The following MROH7 variants were observed in gnomAD, a reference collection of about 807,000 sequenced individuals.
MROH7 encodes the protein maestro heat like repeat family member 7.
In MROH7, 113 loss-of-function variants were observed where a neutral mutation model predicts 129.2. The observed-to-expected ratio is 0.87, with a 90% confidence interval of 0.75 to 1.02. The LOEUF (loss-of-function observed/expected upper bound fraction) is 1.02, where lower values mean the gene tolerates loss of function less well. Among genes scored for constraint, MROH7 ranks in the 50% least tolerant of loss-of-function variants. The probability of loss-of-function intolerance (pLI) is 0.00; values close to 1 mark genes in which losing one functional copy is unlikely to be tolerated. For synonymous variants in MROH7, 655 were observed against 667.9 expected, an observed-to-expected ratio of 0.98 and a Z score of 0.30; for missense variants, 1,601 against 1,671.3, an observed-to-expected ratio of 0.96 and a Z score of 0.73.
Position 54,710,132 on chromosome 1 carries a change from G to A in MROH7, c.3917G>A (p.Arg1306Gln), listed in dbSNP as rs377472472. ...SCENLPTSHQ[R>Q]RSWIMQALGS... ...GAGAACCTGCCCACTTCCCACCAGCGGCGCTCCTGGATCATGCAGGCACTG... is the reference window on the plus strand; with the variant it reads ...GAGAACCTGCCCACTTCCCACCAGCAGCGCTCCTGGATCATGCAGGCACTG... Residue 1306 changes from arginine (R) to glutamine (Q), a missense_variant, in exon 24 of 24, where the codon CGG (arginine) becomes CAG (glutamine). Transcript: ENST00000421030. 72 of 1,613,634 alleles carry A rather than the reference G, an allele frequency of 4.5e-5. No homozygotes were observed. The highest frequency in any genetic ancestry group is 2.5e-4 in the Admixed American group (15 of 59,998).
chr1:54,670,751 A>T (rs755570565), intron 6 of MROH7, 49 bp from the exon 7 acceptor site: 4 of 1,537,678 alleles, frequency 2.6e-6, no homozygotes, highest in Non-Finnish European at 3.5e-6. Context: ...GTCTATAGCC[A>T]TAGGGCCCCT....
rs1645090199 is a variant in MROH7, at chr1:54,682,767, G to GGGCC, written c.2496_2499dup (p.Ala834ProfsTer90). The GGGCC allele has an allele frequency of 6.2e-7, 1 of 1,613,444 alleles. No individual in the cohort carries two copies. The highest frequency in any genetic ancestry group is 1.1e-5 in the South Asian group (1 of 91,064). ...TGAAGGAGAAGCCCGTCACCAAGGA[G>GGGCC]GGCCGGGCTTCCATCGTGCCCCTGG... On this transcript the variant is annotated frameshift_variant, in exon 14 of 24. Transcript: ENST00000421030. LOFTEE classifies it high-confidence loss of function.
intron 17 of MROH7, chr1:54,699,093 C>CTGCCTTTCTTTTTTTTTTT (rs1406420741): frequency 1.7e-4 from 18 of 108,064 alleles, no homozygotes; most frequent in South Asian, 6.8e-4. Context: ...CTTGCCTGGC[C>CTGCCTTTCTTTTTTTTTTT]TTTTCTTTCT....
chr1:54,686,629 C>T (rs983802131), intron 15 of MROH7, among the ~76,000 whole-genome samples, 181 bp downstream of exon 15: 15 of 152,206 alleles, frequency 9.9e-5, no homozygotes, highest in African/African-American at 3.1e-4. Context: ...TTTTGAGCAC[C>T]TGCTCTGTGC....
rs768067646 is a variant in MROH7, at chr1:54,673,978, C to T, written c.1801-38C>T. 6.0e-5 allele frequency: 97 copies of T among 1,607,536 alleles called. 1 individual carries two copies. The highest frequency in any genetic ancestry group is 8.1e-5 in the Non-Finnish European group (95 of 1,175,478). On this transcript the variant is annotated intron_variant, in intron 9 of 23. Coordinates refer to ENST00000421030, the MANE Select transcript of MROH7 (RefSeq NM_001039464.4). ...CCATTTAATGTATAGCATTATTGAA[C>T]CTATAACACTCAATCCCTAAGATTG...
At chr1:54,682,291 A>G (rs533306450) in intron 13 of MROH7, among the ~76,000 whole-genome samples, 1 of 151,374 alleles carries the variant, frequency 6.6e-6, no homozygotes, top group Non-Finnish European at 1.5e-5. Context: ...CAGCCTCCTG[A>G]GTAGCTGTGA....
At chr1:54,687,064 A>G (rs1452921567) in intron 15 of MROH7, among the ~76,000 whole-genome samples, 2 of 150,846 alleles carry the variant, frequency 1.3e-5, no homozygotes, top group South Asian at 2.1e-4. Context: ...TTATTTATTT[A>G]TTTATTTATT....
chr1:54,680,478 C>CT (rs1173655029), intron 13 of MROH7, among the ~76,000 whole-genome samples: 1 of 152,184 alleles, frequency 6.6e-6, no homozygotes, highest in Non-Finnish European at 1.5e-5. Context: ...CTCTTTCCCC[C>CT]TTAGGCAAAA....
At chr1:54,680,663 C>T (rs966663605) in intron 13 of MROH7, among the ~76,000 whole-genome samples, 4 of 152,162 alleles carry the variant, frequency 2.6e-5, no homozygotes, top group Non-Finnish European at 5.9e-5. Context: ...ATGGTGAGCT[C>T]GTGGGCAGGA....
intron 12 of MROH7, 27 bp from the exon 13 acceptor site, chr1:54,679,864 C>T (rs1200833533): frequency 6.3e-7 from 1 of 1,594,936 alleles, no homozygotes; most frequent in Admixed American, 1.7e-5. Flanking sequence ...AGTCCCCTTG[C>T]TCATGGCTGC....
At position 54,668,726 on chromosome 1, in the gene MROH7, C is replaced by T. The variant is rs1365792068; in HGVS notation, c.1306-128C>T. Reference sequence around the variant, plus strand: ...CCAAGCTCCCCTTGTGGGGACCTCTCATTTCTCTTGCACCAATGCTGGCTT... The same window carrying T: ...CCAAGCTCCCCTTGTGGGGACCTCTTATTTCTCTTGCACCAATGCTGGCTT... On this transcript the variant is annotated intron_variant, in intron 4 of 23. Coordinates refer to ENST00000421030, the MANE Select transcript of MROH7 (RefSeq NM_001039464.4). 6.0e-6 allele frequency: 4 copies of T among 667,866 alleles called. No individual in the cohort carries two copies. In the African/African-American group the frequency reaches 7.3e-5, roughly 12 times the overall value. 41.4% of individuals were successfully genotyped at this position (667,866 alleles called of 1,614,324 possible).
At chr1:54,676,984 G>A (rs551198917) in intron 10 of MROH7, among the ~76,000 whole-genome samples, 36 of 152,290 alleles carry the variant, frequency 2.4e-4, no homozygotes, top group African/African-American at 8.7e-4. Context: ...TAGGATTACA[G>A]GCATGAGCCA....
chr1:54,659,694 C>T (rs1361453084), intron 3 of MROH7, among the ~76,000 whole-genome samples: 1 of 152,182 alleles, frequency 6.6e-6, no homozygotes, highest in East Asian at 1.9e-4. Context: ...CTCAGGTGAT[C>T]CACCTGCCTC....
intron 4 of MROH7, 59 bp downstream of exon 4, chr1:54,665,299 C>T (rs471724): frequency 0.75 from 1,026,835 of 1,377,332 alleles, 387,193 homozygotes; most frequent in East Asian, 0.94. Flanking sequence ...CCTGCCAACC[C>T]CCTACCCCCC....
intron 4 of MROH7, among the ~76,000 whole-genome samples, chr1:54,667,384 GC>G (rs35434138): frequency 0.32 from 48,040 of 151,870 alleles, 7,892 homozygotes; most frequent in South Asian, 0.52. Flanking sequence ...ACTTTGGGAG[GC>G]TGAGGTGGGA....
At chr1:54,670,988 T>G in intron 7 of MROH7, 59 bp downstream of exon 7, 1 of 1,517,730 alleles carries the variant, frequency 6.6e-7, no homozygotes, top group Non-Finnish European at 8.8e-7. Context: ...GGAGGAGATA[T>G]GGAGCTGCAT....
intron 10 of MROH7, among the ~76,000 whole-genome samples, chr1:54,675,090 C>T (rs1644960423): frequency 6.6e-6 from 1 of 152,134 alleles, no homozygotes; most frequent in Admixed American, 6.5e-5. Context: ...ATTCTCCTGC[C>T]TCAGCCTCCC....
chr1:54,692,889 A>T (rs941809536), intron 16 of MROH7, among the ~76,000 whole-genome samples: 1 of 152,182 alleles, frequency 6.6e-6, no homozygotes, highest in Admixed American at 6.5e-5. Flanking sequence ...GGCCTTGGAG[A>T]TGGCCTGACT....
In MROH7 at chr1:54,701,123, C is replaced by A. The variant is rs1346576013; in HGVS notation, c.3106-20C>A. Reference sequence around the variant, plus strand: ...CTAGCTCAGATAGGAGCCCTCATCCCAAATGCTCCTGCCCCACAGACCGCC... The same window carrying A: ...CTAGCTCAGATAGGAGCCCTCATCCAAAATGCTCCTGCCCCACAGACCGCC... On this transcript the variant is annotated intron_variant, in intron 18 of 23. Coordinates refer to ENST00000421030, the MANE Select transcript of MROH7 (RefSeq NM_001039464.4). 1.2e-6 allele frequency: 2 copies of A among 1,612,142 alleles called. No individual in the cohort carries two copies. Among genetic ancestry groups the A allele is most frequent in the Middle Eastern group, 2.0e-4 (1 of 4,910 alleles).
Sources: gnomAD v4.1 joint callset for allele counts (sites outside exome capture counted in the v4.1 genomes callset) on GRCh38, gnomAD v4.1.1 for gene constraint, MANE v1.5 for transcripts, NCBI Gene and HGNC (gene_info 2026-07-23, HGNC 2026-07-21) for gene names.